Variants in ADGRV1 observed in about 807,000 individuals in gnomAD.
ADGRV1 encodes the protein adhesion G protein-coupled receptor V1.
ADGRV1 carries 359 observed loss-of-function variants against 596.2 expected under a neutral mutation model. The ratio of observed to expected loss-of-function variants is 0.60; its 90% CI spans 0.55 to 0.66. The LOEUF is 0.66. Ranked by LOEUF, ADGRV1 falls within the 30% of genes least tolerant of loss-of-function variation. ADGRV1 has a pLI of 0.00. For missense variants in ADGRV1, 7,274 were observed against 7,575.6 expected, an observed-to-expected ratio of 0.96 and a Z score of 1.48; for synonymous variants, 2,681 against 2,679.2, an observed-to-expected ratio of 1.00 and a Z score of -0.02.
intron 1 of ADGRV1, among the ~76,000 whole-genome samples, chr5:90,561,467 C>T (rs944307256): frequency 1.2e-4 from 19 of 152,140 alleles, no homozygotes; most frequent in African/African-American, 3.6e-4. Flanking sequence ...TTTATTGTCA[C>T]GCAAACAAAT....
At position 91,025,125 on chromosome 5, in the gene ADGRV1, G is replaced by T. The variant is rs534755042; in HGVS notation, c.18152+39603G>T. On this transcript the variant is annotated intron_variant, in intron 85 of 89. Coordinates refer to ENST00000405460, the MANE Select transcript of ADGRV1 (RefSeq NM_032119.4). ...AAAAGACCTGCCACATATTAATTACGGTATAACTCCTCTTCTGCATAATTC... is the reference window on the plus strand; with the variant it reads ...AAAAGACCTGCCACATATTAATTACTGTATAACTCCTCTTCTGCATAATTC... 2.6e-5 allele frequency among the ~76,000 whole-genome samples: 4 copies of T among 152,084 alleles called. 1 individual carries two copies. The East Asian group carries it at 7.7e-4, about 29-fold the overall frequency.
At chr5:90,750,009 A>G (rs1246686951) in intron 52 of ADGRV1, among the ~76,000 whole-genome samples, 1 of 152,204 alleles carries the variant, frequency 6.6e-6, no homozygotes, top group Non-Finnish European at 1.5e-5. Flanking sequence ...TTTAAGAATA[A>G]GAGACATTTG....
intron 85 of ADGRV1, among the ~76,000 whole-genome samples, chr5:91,067,664 AG>A (rs547455340): frequency 9.2e-5 from 14 of 152,326 alleles, no homozygotes; most frequent in Admixed American, 9.2e-4. Flanking sequence ...TCAATAATTG[AG>A]TCAGTAATTT....
At chr5:91,067,686 G>C (rs1788005933) in intron 85 of ADGRV1, among the ~76,000 whole-genome samples, 1 of 152,064 alleles carries the variant, frequency 6.6e-6, no homozygotes, top group Non-Finnish European at 1.5e-5. Context: ...TCCCTATTTT[G>C]CTGTCCCAAA....
chr5:91,012,765 A>G (rs1223920858), intron 85 of ADGRV1, among the ~76,000 whole-genome samples: 1 of 151,800 alleles, frequency 6.6e-6, no homozygotes, highest in African/African-American at 2.4e-5. Flanking sequence ...GGTACATGTG[A>G]AGGTTTGTTA....
chr5:90,619,734 A>C, intron 4 of ADGRV1, among the ~76,000 whole-genome samples: 1 of 149,466 alleles, frequency 6.7e-6, no homozygotes, highest in African/African-American at 2.5e-5. Flanking sequence ...TATATCTCCT[A>C]ATGCTATCCC....
At chr5:90,576,689 A>T (rs1360900672) in intron 1 of ADGRV1, among the ~76,000 whole-genome samples, 1 of 152,214 alleles carries the variant, frequency 6.6e-6, no homozygotes, top group Admixed American at 6.5e-5. Flanking sequence ...GAATCGCCAC[A>T]TTGTCTTCCA....
At chr5:90,723,139 A>C (rs76840313) in intron 45 of ADGRV1, among the ~76,000 whole-genome samples, 3,432 of 152,302 alleles carry the variant, frequency 0.023, 127 homozygotes, top group African/African-American at 0.08. Context: ...ATTTGTATAG[A>C]AAGATGGGGA....
intron 83 of ADGRV1, among the ~76,000 whole-genome samples, chr5:90,873,619 A>T (rs1429600022): frequency 2.6e-5 from 4 of 152,122 alleles, no homozygotes; most frequent in Non-Finnish European, 5.9e-5. Context: ...AGATTTCTTT[A>T]CAAAAAATGC....
At chr5:90,871,426 T>G (rs1007542561) in intron 83 of ADGRV1, among the ~76,000 whole-genome samples, 1 of 152,270 alleles carries the variant, frequency 6.6e-6, no homozygotes, top group African/African-American at 2.4e-5. Flanking sequence ...CTCACTACAT[T>G]GAAAATAAGT....
At chr5:90,824,205 G>A (rs1299248552) in intron 76 of ADGRV1, among the ~76,000 whole-genome samples, 1 of 152,094 alleles carries the variant, frequency 6.6e-6, no homozygotes, top group Non-Finnish European at 1.5e-5. Flanking sequence ...GTCATGGCAT[G>A]GCCACTGGTA....
chr5:90,812,364 G>T (rs1012860872), intron 74 of ADGRV1, among the ~76,000 whole-genome samples: 1 of 152,022 alleles, frequency 6.6e-6, no homozygotes, highest in African/African-American at 2.4e-5. Flanking sequence ...ACTTATAATT[G>T]TACATATTTA....
intron 59 of ADGRV1, among the ~76,000 whole-genome samples, chr5:90,771,084 T>C (rs1438156856): frequency 1.3e-5 from 2 of 152,196 alleles, no homozygotes; most frequent in Admixed American, 1.3e-4. Context: ...CTGTGGTGTT[T>C]ATAGTTCTCT....
intron 29 of ADGRV1, among the ~76,000 whole-genome samples, chr5:90,687,545 C>G (rs1395485067): frequency 6.6e-6 from 1 of 152,054 alleles, no homozygotes; most frequent in Non-Finnish European, 1.5e-5. Context: ...GAAGTTCTGG[C>G]CAGGGCAATT....
At chr5:91,024,440 A>G (rs1381536990) in intron 85 of ADGRV1, among the ~76,000 whole-genome samples, 2 of 151,920 alleles carry the variant, frequency 1.3e-5, no homozygotes, top group East Asian at 1.9e-4. Context: ...AAAACATTAA[A>G]CCCTTGTTTA....
At chr5:90,731,895 C>T (rs527859598) in intron 50 of ADGRV1, among the ~76,000 whole-genome samples, 1 of 152,168 alleles carries the variant, frequency 6.6e-6, no homozygotes, top group Non-Finnish European at 1.5e-5. Context: ...AAAACACTTT[C>T]TAAAACGAAC....
rs1359724269 is a variant in ADGRV1, at chr5:90,637,771, T to A, written c.2063T>A (p.Val688Asp). The A allele has an allele frequency of 2.5e-6, 4 of 1,613,528 alleles. No individual in the cohort carries two copies. Among genetic ancestry groups the A allele is most frequent in the Non-Finnish European group, 3.4e-6 (4 of 1,179,690 alleles). The change falls in exon 11 of 90, where the codon GTC becomes GAC. Residue 688 changes from valine (V) to aspartate (D), a missense_variant. By Grantham distance (152) the Val-to-Asp change is radical (BLOSUM62 -3). Coordinates refer to ENST00000405460, the MANE Select transcript of ADGRV1 (RefSeq NM_032119.4). ...GATGGAACTGATGGCCAGGCTACTG[T>A]CTACTGGAGTTTGAAGCCCTCTGGC... ...HRDGTDGQAT[V>D]YWSLKPSGFN...
At chr5:90,675,604 C>G (rs1773127758) in intron 24 of ADGRV1, among the ~76,000 whole-genome samples, 159 bp downstream of exon 24, 1 of 152,042 alleles carries the variant, frequency 6.6e-6, no homozygotes, top group Admixed American at 6.5e-5. Context: ...AGGCCACCAG[C>G]ATGGGCAACG....
intron 77 of ADGRV1, among the ~76,000 whole-genome samples, chr5:90,837,411 C>T (rs1235027217): frequency 6.7e-6 from 1 of 149,364 alleles, no homozygotes; most frequent in Non-Finnish European, 1.5e-5. Flanking sequence ...TGCCCTGTCG[C>T]CCTGGCTGGA....
Sources: allele counts gnomAD v4.1 joint callset (sites outside exome capture counted in the v4.1 genomes callset), GRCh38; gene constraint gnomAD v4.1.1; transcripts MANE v1.5; gene names NCBI Gene and HGNC (gene_info 2026-07-23, HGNC 2026-07-21).